Variants in CLYBL observed in about 807,000 individuals in gnomAD.
The protein encoded by CLYBL is citramalyl-CoA lyase, mitochondrial.
In CLYBL, 31 loss-of-function variants were observed where a neutral mutation model predicts 38.9. The observed-to-expected ratio is 0.80, with a 90% confidence interval of 0.60 to 1.08. CLYBL has a LOEUF of 1.08. Ranked by LOEUF, CLYBL falls within the 50% of genes least tolerant of loss-of-function variation. The probability of loss-of-function intolerance (pLI) is 0.00; values close to 1 mark genes in which losing one functional copy is unlikely to be tolerated. For missense variants in CLYBL, 434 were observed against 411.6 expected (o/e 1.05, Z -0.47); for synonymous variants, 171 against 158.6 (o/e 1.08, Z -0.59).
intron 7 of CLYBL, among the ~76,000 whole-genome samples, chr13:99,871,857 C>A (rs1391383652): frequency 6.6e-6 from 1 of 151,996 alleles, no homozygotes; most frequent in Non-Finnish European, 1.5e-5. Context: ...ATAAATCTAT[C>A]CTAGAGGTAA....
intron 2 of CLYBL, among the ~76,000 whole-genome samples, chr13:99,806,904 C>A (rs2050242608): frequency 6.6e-6 from 1 of 152,198 alleles, no homozygotes; most frequent in African/African-American, 2.4e-5. Flanking sequence ...TCTGGTCAGA[C>A]TAAACAGCAT....
intron 1 of CLYBL, among the ~76,000 whole-genome samples, chr13:99,750,880 A>G (rs1005747090): frequency 4.6e-5 from 7 of 152,176 alleles, no homozygotes; most frequent in African/African-American, 1.2e-4. Context: ...GGACACGGGT[A>G]CAGCTTAAAA....
chr13:99,843,728 C>A (rs1175375198), intron 2 of CLYBL, among the ~76,000 whole-genome samples: 1 of 151,922 alleles, frequency 6.6e-6, no homozygotes, highest in Non-Finnish European at 1.5e-5. Context: ...CAGCCTCCCA[C>A]GTAGCTGAGA....
chr13:99,674,775 A>G (rs9585178), intron 1 of CLYBL, among the ~76,000 whole-genome samples: 23,157 of 152,164 alleles, frequency 0.15, 3,894 homozygotes, highest in African/African-American at 0.42. Context: ...ACCAAGGAGT[A>G]TATGTCCTGG....
intron 2 of CLYBL, among the ~76,000 whole-genome samples, chr13:99,824,264 C>CCCG (rs1030916204): frequency 7.7e-6 from 1 of 130,408 alleles, no homozygotes; most frequent in Non-Finnish European, 1.6e-5. Context: ...ATAGCCCCCC[C>CCCG]CACCCACCCC....
intron 1 of CLYBL, among the ~76,000 whole-genome samples, chr13:99,654,699 G>A: frequency 6.6e-6 from 1 of 152,150 alleles, no homozygotes; most frequent in East Asian, 1.9e-4. Flanking sequence ...AGATTCAGTA[G>A]CATTTTAACA....
At chr13:99,774,880 C>G (rs1269855960) in intron 2 of CLYBL, among the ~76,000 whole-genome samples, 1 of 152,152 alleles carries the variant, frequency 6.6e-6, no homozygotes, top group East Asian at 1.9e-4. Context: ...CTTCCCATAA[C>G]TCATGTAGTG....
chr13:99,845,846 C>T (rs1403497635), intron 2 of CLYBL, among the ~76,000 whole-genome samples: 1 of 152,136 alleles, frequency 6.6e-6, no homozygotes, highest in Admixed American at 6.5e-5. Context: ...CGTCCTTCTT[C>T]TCCTTCGTTT....
chr13:99,683,831 A>G (rs2047775594), intron 1 of CLYBL, among the ~76,000 whole-genome samples: 1 of 150,978 alleles, frequency 6.6e-6, no homozygotes, highest in African/African-American at 2.4e-5. Context: ...ATTATCAAGT[A>G]TTATGTACTG....
At chr13:99,629,774 T>C (rs1487257641) in intron 1 of CLYBL, among the ~76,000 whole-genome samples, 1 of 152,210 alleles carries the variant, frequency 6.6e-6, no homozygotes, top group Non-Finnish European at 1.5e-5. Flanking sequence ...GTGAAACCAC[T>C]GCACGCTCTG....
intron 2 of CLYBL, among the ~76,000 whole-genome samples, chr13:99,818,835 G>A (rs953627686): frequency 1.3e-5 from 2 of 152,126 alleles, no homozygotes; most frequent in Non-Finnish European, 2.9e-5. Context: ...CACACCAGAA[G>A]CATTTTTCCG....
At chr13:99,813,664 A>T (rs1419472763) in intron 2 of CLYBL, among the ~76,000 whole-genome samples, 1 of 152,210 alleles carries the variant, frequency 6.6e-6, no homozygotes, top group Non-Finnish European at 1.5e-5. Flanking sequence ...TAAAATGGGG[A>T]TAGCGACAGG....
intron 1 of CLYBL, among the ~76,000 whole-genome samples, chr13:99,677,188 T>C (rs917506229): frequency 1.3e-5 from 2 of 152,210 alleles, no homozygotes; most frequent in South Asian, 2.1e-4. Context: ...TCTACCTGCA[T>C]TGGCGTATTG....
chr13:99,897,488 G>C (rs965546700), downstream of CLYBL, among the ~76,000 whole-genome samples: 1 of 152,152 alleles, frequency 6.6e-6, no homozygotes, highest in Admixed American at 6.5e-5. Context: ...CAAGCTACCC[G>C]CACCTAAGTC....
rs189305515 is a variant in CLYBL at position 99,831,458 on chromosome 13, A to G, written c.250-27403A>G. On this transcript the variant is annotated intron_variant, in intron 2 of 8. Coordinates refer to ENST00000339105, the MANE Select transcript of CLYBL (RefSeq NM_206808.5). ...AAATAGCTAATGCATGCTGGGCCTAATACCTAGGTGATGGGTTGATAGGTG... is the reference window on the plus strand; with the variant it reads ...AAATAGCTAATGCATGCTGGGCCTAGTACCTAGGTGATGGGTTGATAGGTG... Among the ~76,000 whole-genome samples the G allele has an allele frequency of 8.6e-3, 1,304 of 152,214 alleles. 15 individuals are homozygous for G. The highest frequency in any genetic ancestry group is 0.02 in the Middle Eastern group (6 of 294).
intron 7 of CLYBL, among the ~76,000 whole-genome samples, chr13:99,875,143 A>G (rs1225521342): frequency 1.3e-5 from 2 of 152,210 alleles, no homozygotes; most frequent in Non-Finnish European, 2.9e-5. Flanking sequence ...GGAAGTATTC[A>G]TCTTTAAATT....
At chr13:99,857,210 G>A (rs1327752709) in intron 2 of CLYBL, among the ~76,000 whole-genome samples, 2 of 151,946 alleles carry the variant, frequency 1.3e-5, no homozygotes, top group South Asian at 2.1e-4. Context: ...AGCTACTCAG[G>A]GGGCTGAGGC....
At chr13:99,878,402 T>G (rs763539484) in intron 7 of CLYBL, among the ~76,000 whole-genome samples, 88 of 152,262 alleles carry the variant, frequency 5.8e-4, no homozygotes, top group Non-Finnish European at 4.4e-4. Context: ...TTGTTTGCTT[T>G]TCTCATAGGC....
chr13:99,692,766 T>C (rs1192798282), intron 1 of CLYBL, among the ~76,000 whole-genome samples: 2 of 152,202 alleles, frequency 1.3e-5, no homozygotes, highest in Non-Finnish European at 2.9e-5. Context: ...CAACCACTAA[T>C]CTACTTTCTA....
Sources: gnomAD v4.1 joint callset for allele counts (sites outside exome capture counted in the v4.1 genomes callset) on GRCh38, gnomAD v4.1.1 for gene constraint, MANE v1.5 for transcripts, NCBI Gene and HGNC (gene_info 2026-07-23, HGNC 2026-07-21) for gene names.